PDE4A: variants seen among roughly 807,000 people sequenced by gnomAD.
PDE4A encodes the protein 3',5'-cyclic-AMP phosphodiesterase 4A.
Under a neutral mutation model 73.9 loss-of-function variants are expected in PDE4A, and 21 were observed. The observed-to-expected ratio is 0.28, with a 90% CI of 0.20 to 0.41. The LOEUF is 0.41. Ranked by LOEUF, PDE4A falls within the 10% of genes least tolerant of loss-of-function variation. PDE4A has a pLI of 1.00. For synonymous variants in PDE4A, 463 were observed against 505.4 expected (o/e 0.92, Z 1.13); for missense variants, 958 against 1,211.4 (o/e 0.79, Z 3.10).
chr19:10,432,053 G>A (rs1599408841), intron 1 of PDE4A, among the ~76,000 whole-genome samples: 1 of 151,904 alleles, frequency 6.6e-6, no homozygotes, highest in Admixed American at 6.5e-5. Context: ...ACCTCGAGCG[G>A]GCCCAGCTCG....
chr19:10,430,838 CGCGGCCATGGCGCG>C (rs1394487179), intron 1 of PDE4A: 38 of 1,158,266 alleles, frequency 3.3e-5, no homozygotes, highest in Non-Finnish European at 4.0e-5. Flanking sequence ...GGGGCCGCCC[CGCGGCCATGGCGCG>C]GCCGCGCGGC....
rs1216975490 is a variant in PDE4A at position 10,453,940 on chromosome 19, C to T, written c.784-889C>T. ...AAGCCTGGGCCATGCAGGCTCACCC[C>T]TCCTGCCAAGTGTCCCTCCTGCTTC... On this transcript the variant is annotated intron_variant, in intron 6 of 14. Transcript: ENST00000380702. This position sits in a 1 kb window ranked among gnomAD's most constrained non-coding sequence, Gnocchi z 4.6. 1.3e-5 allele frequency among the ~76,000 whole-genome samples: 2 copies of T among 152,122 alleles called. No individual in the cohort carries two copies. The highest frequency in any genetic ancestry group is 2.1e-4 in the South Asian group (1 of 4,830).
At chr19:10,465,281 T>C (rs2043347170) in intron 14 of PDE4A, among the ~76,000 whole-genome samples, 1 of 151,258 alleles carries the variant, frequency 6.6e-6, no homozygotes, top group Admixed American at 6.6e-5. Context: ...AGTACAGTGG[T>C]GCAGTCTCAG....
chr19:10,459,786 T>C, intron 10 of PDE4A, 27 bp downstream of exon 10: 3 of 1,575,574 alleles, frequency 1.9e-6, no homozygotes, highest in Middle Eastern at 2.0e-4. Context: ...TGAGTGACCG[T>C]CCCCATCTCT....
rs949157791 is a variant in PDE4A at position 10,464,966 on chromosome 19, C to G, written c.1926+991C>G. Among the ~76,000 whole-genome samples the G allele has an allele frequency of 2.0e-5, 3 of 152,214 alleles. No homozygotes were observed. The East Asian group carries it at 5.8e-4, about 29-fold the overall frequency. On this transcript the variant is annotated intron_variant, in intron 14 of 14. Coordinates refer to ENST00000380702, the MANE Select transcript of PDE4A (RefSeq NM_001111307.2). ...TCCTGGGCTCACTCAGTCTGCCTCC[C>G]TCAGCCTCCCAAAGTGCTGGGATTA...
At chr19:10,436,429 C>A (rs2042865491) in intron 1 of PDE4A, among the ~76,000 whole-genome samples, 1 of 152,096 alleles carries the variant, frequency 6.6e-6, no homozygotes, top group Non-Finnish European at 1.5e-5. Context: ...GTGATACATG[C>A]CTGTAATCCC....
At position 10,454,861 on chromosome 19, in the gene PDE4A, C is replaced by T; in HGVS notation, c.816C>T (p.His272=). ...GGATGTTGAACCGTGAGCTCACACA[C>T]CTGTCAGAAATGAGCAGGTCCGGAA... ...FKRMLNRELT[H]LSEMSRSGNQ... The change falls in exon 7 of 15, where the codon CAC becomes CAT. Residue 272 remains histidine, a synonymous_variant. Coordinates refer to ENST00000380702, the MANE Select transcript of PDE4A (RefSeq NM_001111307.2). 2 of 1,614,148 alleles carry T rather than the reference C, an allele frequency of 1.2e-6. No homozygotes were observed.
intron 1 of PDE4A, chr19:10,432,642 G>A (rs748444373): frequency 2.8e-6 from 4 of 1,420,218 alleles, no homozygotes; most frequent in Non-Finnish European, 3.8e-6. Flanking sequence ...GGGGGGTGGG[G>A]GTGCTGAGTC....
At chr19:10,419,113 T>C (rs762394045), upstream of PDE4A, 361 of 917,180 alleles carry the variant, frequency 3.9e-4, no homozygotes, top group Non-Finnish European at 4.4e-4. Flanking sequence ...GGGAGGGCGG[T>C]GGCAAACGGC....
chr19:10,464,451 C>G (rs904833627), intron 14 of PDE4A: 5 of 455,152 alleles, frequency 1.1e-5, no homozygotes, highest in African/African-American at 1.0e-4. Flanking sequence ...GGGTCTTGCA[C>G]TGTTGCCCAG....
intron 10 of PDE4A, 118 bp downstream of exon 10, chr19:10,459,877 T>C: frequency 8.3e-7 from 1 of 1,211,170 alleles, no homozygotes; most frequent in Non-Finnish European, 1.1e-6. Flanking sequence ...ACGCCATTTC[T>C]CTCTCTTTTT....
intron 7 of PDE4A, among the ~76,000 whole-genome samples, chr19:10,456,435 A>C (rs543502107): frequency 6.6e-6 from 1 of 152,166 alleles, no homozygotes; most frequent in African/African-American, 2.4e-5. Context: ...CTGAGGCAGG[A>C]GAATTGCTTC....
chr19:10,456,266 G>A (rs1004866358), intron 7 of PDE4A, among the ~76,000 whole-genome samples: 8 of 152,050 alleles, frequency 5.3e-5, no homozygotes, highest in East Asian at 3.9e-4. Flanking sequence ...AGTGGCTCAC[G>A]CCTGTAATCC....
Position 10,453,411 on chromosome 19 carries a change from C to G in PDE4A, c.784-1418C>G, listed in dbSNP as rs527698810. The G allele has an allele frequency of 2.0e-6, 3 of 1,473,224 alleles. No homozygotes were observed. Among genetic ancestry groups the G allele is most frequent in the Non-Finnish European group, 2.7e-6 (3 of 1,098,184 alleles). 91.3% of individuals were successfully genotyped at this position (1,473,224 alleles called of 1,614,324 possible). On this transcript the variant is annotated intron_variant, in intron 6 of 14. Coordinates refer to ENST00000380702, the MANE Select transcript of PDE4A (RefSeq NM_001111307.2). The surrounding 1 kb of genome is among the most constrained non-coding windows in gnomAD (Gnocchi z 4.6). ...GTGGGCTTGTGTGTGCAGCTGTGCA[C>G]GTGTGTGGCCTGGAGATGAAGCCTT...
In PDE4A at chr19:10,451,491, A is replaced by G. The variant is rs574616093; in HGVS notation, c.783+550A>G. Among the ~76,000 whole-genome samples, 20 of 152,154 alleles carry G rather than the reference A, an allele frequency of 1.3e-4. No individual in the cohort carries two copies. In the East Asian group the frequency reaches 3.9e-3, roughly 29 times the overall value. ...GCTGGTTTATTGGCTACGCATTTGC[A>G]GCGCTGGGGTGTTGGGAATAGATTC... On this transcript the variant is annotated intron_variant, in intron 6 of 14. Transcript: ENST00000380702.
chr19:10,446,165 C>T, intron 1 of PDE4A, 53 bp from the exon 2 acceptor site: 1 of 1,522,730 alleles, frequency 6.6e-7, no homozygotes, highest in Non-Finnish European at 8.9e-7. Flanking sequence ...TCCTCTTGAC[C>T]TCCCTAATAG....
intron 2 of PDE4A, 121 bp downstream of exon 2, chr19:10,446,530 T>TC (rs2043007438): frequency 2.2e-5 from 26 of 1,184,794 alleles, no homozygotes; most frequent in Non-Finnish European, 2.9e-5. Flanking sequence ...CAACCTGTCC[T>TC]CCCCAGTGAA....
chr19:10,434,353 T>C (rs10424109), intron 1 of PDE4A, among the ~76,000 whole-genome samples: 33,956 of 151,316 alleles, frequency 0.22, 5,461 homozygotes, highest in African/African-American at 0.46. Context: ...TACAGGTGTA[T>C]GCCACCATAG....
intron 4 of PDE4A, among the ~76,000 whole-genome samples, chr19:10,449,354 G>GTTTT (rs1194558585): frequency 7.1e-6 from 1 of 141,506 alleles, no homozygotes; most frequent in East Asian, 2.0e-4. Context: ...TTTGTTTTTT[G>GTTTT]TTTTTTGTTT....
Sources: allele counts gnomAD v4.1 joint callset (sites outside exome capture counted in the v4.1 genomes callset), GRCh38; gene constraint gnomAD v4.1.1; non-coding constraint Gnocchi (gnomAD v3.1); transcripts MANE v1.5; gene names NCBI Gene and HGNC (gene_info 2026-07-23, HGNC 2026-07-21).